IQGAP1: variants seen among roughly 807,000 people sequenced by gnomAD.
IQGAP1 encodes the protein IQ motif containing GTPase activating protein 1.
IQGAP1 carries 66 observed loss-of-function variants against 215.6 expected under a neutral mutation model. That is an observed-to-expected ratio of 0.31 (90% CI 0.25 to 0.38). The LOEUF (loss-of-function observed/expected upper bound fraction) is 0.38. IQGAP1 is among the 10% of genes least tolerant of loss of function. The probability of loss-of-function intolerance (pLI) is 1.00; values close to 1 mark genes in which losing one functional copy is unlikely to be tolerated. For synonymous variants in IQGAP1, 772 were observed against 728.7 expected (o/e 1.06, Z -0.96); for missense variants, 1,712 against 1,997.1 (o/e 0.86, Z 2.72).
intron 36 of IQGAP1, among the ~76,000 whole-genome samples, chr15:90,495,143 T>G (rs1966254279): frequency 6.6e-6 from 1 of 152,226 alleles, no homozygotes; most frequent in Non-Finnish European, 1.5e-5. Context: ...AAGAATAAAT[T>G]AAGAGTAACA....
intron 5 of IQGAP1, among the ~76,000 whole-genome samples, chr15:90,434,457 C>A (rs373934626): frequency 1.6e-3 from 247 of 151,492 alleles, no homozygotes; most frequent in Middle Eastern, 6.8e-3. Flanking sequence ...TAATAATAAT[C>A]ATAATAATAA....
chr15:90,467,666 C>A, intron 18 of IQGAP1, 74 bp downstream of exon 18: 1 of 1,452,964 alleles, frequency 6.9e-7, no homozygotes, highest in Non-Finnish European at 9.3e-7. Context: ...TTAAGAGGAA[C>A]AGGGCATGTG....
In IQGAP1 at chr15:90,473,971, A is replaced by G; in HGVS notation, c.2505+4A>G. 6.2e-7 allele frequency: 1 copy of G among 1,613,986 alleles called. No individual in the cohort carries two copies. Among genetic ancestry groups the G allele is most frequent in the Non-Finnish European group, 8.5e-7 (1 of 1,179,922 alleles). ...CCTGCAGTACTTCCGGGACCATGTA[A>G]GCACCCTTGGATCATACAGGCCATT... On this transcript the variant is annotated splice_donor_region_variant and intron_variant, in intron 21 of 37. Coordinates refer to ENST00000268182, the MANE Select transcript of IQGAP1 (RefSeq NM_003870.4).
At chr15:90,474,740 T>G in intron 23 of IQGAP1, 47 bp downstream of exon 23, 2 of 1,390,176 alleles carry the variant, frequency 1.4e-6, no homozygotes, top group Non-Finnish European at 2.0e-6. Flanking sequence ...CATCCTGCTT[T>G]GTAACCCCTG....
chr15:90,471,837 G>GGA (rs1555440385), intron 18 of IQGAP1, among the ~76,000 whole-genome samples: 1 of 145,114 alleles, frequency 6.9e-6, no homozygotes, highest in African/African-American at 2.5e-5. Context: ...GTGTTGCCCA[G>GGA]AAAAAAAAAA....
intron 23 of IQGAP1, among the ~76,000 whole-genome samples, chr15:90,475,403 C>A (rs1055264813): frequency 6.6e-6 from 1 of 151,904 alleles, no homozygotes; most frequent in African/African-American, 2.4e-5. Flanking sequence ...TCCCAAAGTG[C>A]TGGGATTACA....
chr15:90,494,255 T>C (rs1966243881), intron 35 of IQGAP1: 1 of 152,330 alleles, frequency 6.6e-6, no homozygotes, highest in South Asian at 2.1e-4. Context: ...TTTTTCCTTA[T>C]TTTCATTCAT....
intron 36 of IQGAP1, 80 bp downstream of exon 36, chr15:90,494,915 C>T (rs915524593): frequency 4.9e-6 from 5 of 1,017,842 alleles, no homozygotes; most frequent in African/African-American, 3.3e-5. Flanking sequence ...CTTCATTTCT[C>T]TTTTCTGGAT....
intron 33 of IQGAP1, among the ~76,000 whole-genome samples, chr15:90,489,809 G>A (rs914263718): frequency 1.3e-5 from 2 of 152,198 alleles, no homozygotes; most frequent in East Asian, 3.9e-4. Flanking sequence ...TAAGGAAGGA[G>A]GAGCCAGTCT....
chr15:90,403,776 C>T (rs1273401442), intron 2 of IQGAP1, among the ~76,000 whole-genome samples: 4 of 152,158 alleles, frequency 2.6e-5, no homozygotes, highest in Admixed American at 1.3e-4. Flanking sequence ...AGGGTTCAAG[C>T]GATTGTCCCG....
At chr15:90,432,709 T>C (rs1286418867) in intron 4 of IQGAP1, among the ~76,000 whole-genome samples, 4 of 152,240 alleles carry the variant, frequency 2.6e-5, no homozygotes, top group Non-Finnish European at 5.9e-5. Context: ...GAAGGCCTTT[T>C]GCTCTCTATC....
At chr15:90,447,580 G>A (rs965878500) in intron 9 of IQGAP1, among the ~76,000 whole-genome samples, 3 of 152,136 alleles carry the variant, frequency 2.0e-5, no homozygotes, top group Non-Finnish European at 4.4e-5. Context: ...TCTGTGAGTG[G>A]TGGTAGGGAC....
At chr15:90,415,140 G>C (rs754492056) in intron 2 of IQGAP1, among the ~76,000 whole-genome samples, 4 of 152,120 alleles carry the variant, frequency 2.6e-5, no homozygotes, top group Non-Finnish European at 5.9e-5. Flanking sequence ...TGAAGATGGT[G>C]ATATTGTTAC....
At chr15:90,495,360 C>T (rs1724373887) in intron 36 of IQGAP1, among the ~76,000 whole-genome samples, 1 of 151,284 alleles carries the variant, frequency 6.6e-6, no homozygotes, top group Non-Finnish European at 1.5e-5. Flanking sequence ...TGATCTTTCT[C>T]TTCTTTTGTC....
chr15:90,450,919 C>T (rs926239201), intron 11 of IQGAP1, among the ~76,000 whole-genome samples: 3 of 147,998 alleles, frequency 2.0e-5, no homozygotes, highest in Non-Finnish European at 3.0e-5. Context: ...TATATGTTGT[C>T]TCTTCACTTT....
rs779837685 is a variant in IQGAP1 at position 90,473,898 on chromosome 15, T to G, written c.2436T>G (p.Ile812Met). Residue 812 changes from isoleucine (I) to methionine (M), a missense_variant and splice_region_variant, in exon 21 of 38, where the codon ATT becomes ATG. Ile to Met is a conservative substitution (Grantham distance 10). Transcript: ENST00000268182. ...LRSHKDEVVK[I>M]QSLARMHQAR... ...TTTCCAGGATCCCTTTTCCACAGATTCAGTCCCTGGCAAGGATGCACCAAG... is the reference window on the plus strand; with the variant it reads ...TTTCCAGGATCCCTTTTCCACAGATGCAGTCCCTGGCAAGGATGCACCAAG... 15 of 1,613,706 alleles carry G rather than the reference T, an allele frequency of 9.3e-6. No individual in the cohort carries two copies. The South Asian group carries it at 1.5e-4, about 17-fold the overall frequency.
At chr15:90,389,230 T>G (rs945939139) in intron 1 of IQGAP1, among the ~76,000 whole-genome samples, 1 of 152,082 alleles carries the variant, frequency 6.6e-6, no homozygotes, top group African/African-American at 2.4e-5. Flanking sequence ...GTGTGCAAGC[T>G]AATGATTATA....
intron 2 of IQGAP1, among the ~76,000 whole-genome samples, chr15:90,401,669 A>G (rs1964806827): frequency 6.6e-6 from 1 of 152,204 alleles, no homozygotes. Context: ...CTTATTATCT[A>G]CATTTAACAG....
At chr15:90,403,264 A>C (rs1964829400) in intron 2 of IQGAP1, among the ~76,000 whole-genome samples, 1 of 152,214 alleles carries the variant, frequency 6.6e-6, no homozygotes, top group South Asian at 2.1e-4. Context: ...TCTTCCCTGA[A>C]GACATGCTAT....
Sources: allele counts gnomAD v4.1 joint callset (sites outside exome capture counted in the v4.1 genomes callset), GRCh38; gene constraint gnomAD v4.1.1; transcripts MANE v1.5; gene names NCBI Gene and HGNC (gene_info 2026-07-23, HGNC 2026-07-21).